Variants in SKIL observed in about 807,000 individuals in gnomAD.
SKIL encodes SKI like proto-oncogene, also known as ski-like protein.
SKIL carries 20 observed loss-of-function variants against 69.6 expected under a neutral mutation model. The observed-to-expected ratio is 0.29, with a 90% confidence interval of 0.20 to 0.42. The LOEUF is 0.42. SKIL is among the 10% of genes least tolerant of loss of function. The probability of loss-of-function intolerance (pLI) is 1.00; values close to 1 mark genes in which losing one functional copy is unlikely to be tolerated. For missense variants in SKIL, 745 were observed against 783.1 expected (o/e 0.95, Z 0.58); for synonymous variants, 310 against 279.9 (o/e 1.11, Z -1.08).
chr3:170,388,089 C>A (rs1370513734), intron 4 of SKIL, among the ~76,000 whole-genome samples: 1 of 151,830 alleles, frequency 6.6e-6, no homozygotes, highest in East Asian at 1.9e-4. Context: ...TGAGGAACTG[C>A]CAAACTTTTC....
chr3:170,370,968 CAA>C (rs889286515), intron 2 of SKIL, among the ~76,000 whole-genome samples: 1 of 151,834 alleles, frequency 6.6e-6, no homozygotes, highest in African/African-American at 2.4e-5. Flanking sequence ...CAAGACAAAA[CAA>C]AACTTAATAA....
chr3:170,390,096 C>T, intron 4 of SKIL, 127 bp from the exon 5 acceptor site: 3 of 671,160 alleles, frequency 4.5e-6, no homozygotes, highest in South Asian at 4.2e-5. Context: ...TAAATTTATT[C>T]CTATTTTATT....
In SKIL at chr3:170,393,163, C is replaced by T. The variant is rs1738012969; in HGVS notation, c.*746C>T. ...AAAATAAAATGTGATAATTTCTGAACTTTTGTTTGTGTTGTTAATAGTGGT... is the reference window on the plus strand; with the variant it reads ...AAAATAAAATGTGATAATTTCTGAATTTTTGTTTGTGTTGTTAATAGTGGT... On this transcript the variant is annotated 3_prime_UTR_variant, in exon 7 of 7. Coordinates refer to ENST00000259119, the MANE Select transcript of SKIL (RefSeq NM_005414.5). The T allele has an allele frequency of 6.6e-6, 1 of 151,552 alleles. No individual in the cohort carries two copies. Among genetic ancestry groups the T allele is most frequent in the African/African-American group, 2.4e-5 (1 of 41,312 alleles). The allele number at this position is 151,552 out of a possible 1,614,324, so 9.4% of individuals were successfully genotyped here. A position where few individuals can be genotyped will look rare whatever the true frequency, so the allele number is the denominator to read the frequency against.
At chr3:170,370,040 C>G (rs1431557667) in intron 2 of SKIL, among the ~76,000 whole-genome samples, 1 of 151,872 alleles carries the variant, frequency 6.6e-6, no homozygotes, top group African/African-American at 2.4e-5. Context: ...GAGATCGAGA[C>G]CATCCTGGCT....
At position 170,386,216 on chromosome 3, in the gene SKIL, C is replaced by T. The variant is rs533955787; in HGVS notation, c.1429+1451C>T. Among the ~76,000 whole-genome samples the T allele has an allele frequency of 5.3e-5, 8 of 150,604 alleles. No individual in the cohort carries two copies. In the East Asian group the frequency reaches 7.8e-4, roughly 15 times the overall value. ...TGTGATCTCGGCTCACTGCAATCTC[C>T]GCCTCCCAGGTTCAAGTGATTCTCC... On this transcript the variant is annotated intron_variant, in intron 4 of 6. Transcript: ENST00000259119.
chr3:170,387,731 G>A (rs1302908809), intron 4 of SKIL, among the ~76,000 whole-genome samples: 4 of 139,606 alleles, frequency 2.9e-5, no homozygotes, highest in East Asian at 2.1e-4. Flanking sequence ...AGACCATCCC[G>A]GCTAAAACGG....
intron 2 of SKIL, among the ~76,000 whole-genome samples, chr3:170,372,432 A>G (rs928159823): frequency 2.0e-5 from 3 of 152,232 alleles, no homozygotes; most frequent in African/African-American, 7.2e-5. Flanking sequence ...TGCTTAGATC[A>G]TACTGTCCCA....
rs1316372072 is a variant in SKIL, at chr3:170,380,800, C to T, written c.1099-444C>T. On this transcript the variant is annotated intron_variant, in intron 2 of 6. Transcript: ENST00000259119. Reference sequence around the variant, plus strand: ...TGAGTTTCAGGTGATAATCAGGCTTCTTCAAGGGAAGACTGCCTTATTGGA... The same window carrying T: ...TGAGTTTCAGGTGATAATCAGGCTTTTTCAAGGGAAGACTGCCTTATTGGA... Among the ~76,000 whole-genome samples the T allele has an allele frequency of 5.9e-5, 9 of 152,138 alleles. No individual in the cohort carries two copies. In the East Asian group the frequency reaches 1.5e-3, roughly 26 times the overall value.
chr3:170,371,302 A>C (rs2108902536), intron 2 of SKIL, among the ~76,000 whole-genome samples: 1 of 152,250 alleles, frequency 6.6e-6, no homozygotes, highest in African/African-American at 2.4e-5. Context: ...GGAGTTCGAG[A>C]CCAGCCTGGC....
At chr3:170,363,728 A>G (rs1445988845) in intron 2 of SKIL, among the ~76,000 whole-genome samples, 1 of 151,880 alleles carries the variant, frequency 6.6e-6, no homozygotes, top group Non-Finnish European at 1.5e-5. Context: ...CGGGTGATCC[A>G]CCCGCCTTGG....
At chr3:170,384,935 A>G (rs988470466) in intron 4 of SKIL, 170 bp downstream of exon 4, 47 of 511,588 alleles carry the variant, frequency 9.2e-5, no homozygotes, top group Middle Eastern at 5.3e-4. Context: ...CTCAGTTGCT[A>G]TACTTTTCTA....
chr3:170,385,879 G>A (rs1212431687), intron 4 of SKIL, among the ~76,000 whole-genome samples: 1 of 150,020 alleles, frequency 6.7e-6, no homozygotes, highest in South Asian at 2.1e-4. Context: ...TCAGCTCACC[G>A]CAACCTCCAC....
At position 170,395,102 on chromosome 3, in the gene SKIL, A is replaced by G. The variant is rs184093470; in HGVS notation, c.*2685A>G. ...GTTTTGCTAGCTCATCTTTAGAAGGAAGAAAGAATATTAGCTTGGGTGATG... is the reference window on the plus strand; with the variant it reads ...GTTTTGCTAGCTCATCTTTAGAAGGGAGAAAGAATATTAGCTTGGGTGATG... On this transcript the variant is annotated 3_prime_UTR_variant, in exon 7 of 7. Coordinates refer to ENST00000259119, the MANE Select transcript of SKIL (RefSeq NM_005414.5). 1 of 152,306 alleles carries G rather than the reference A, an allele frequency of 6.6e-6. No homozygotes were observed. The highest frequency in any genetic ancestry group is 1.9e-4 in the East Asian group (1 of 5,194). The allele number at this position is 152,306 out of a possible 1,614,324, so 9.4% of individuals were successfully genotyped here.
At chr3:170,380,055 G>T (rs1577432831) in intron 2 of SKIL, among the ~76,000 whole-genome samples, 1 of 152,094 alleles carries the variant, frequency 6.6e-6, no homozygotes, top group South Asian at 2.1e-4. Context: ...TTCTCAGCCC[G>T]TAGATGTTCA....
chr3:170,359,073 C>T (rs909484478), intron 1 of SKIL, among the ~76,000 whole-genome samples: 9 of 152,104 alleles, frequency 5.9e-5, no homozygotes, highest in South Asian at 4.1e-4. Flanking sequence ...TTTTTTCCCT[C>T]CCTTAAAATG....
At chr3:170,364,213 A>G (rs966432763) in intron 2 of SKIL, among the ~76,000 whole-genome samples, 2 of 151,642 alleles carry the variant, frequency 1.3e-5, no homozygotes, top group Non-Finnish European at 1.5e-5. Context: ...TCTGCCTCCC[A>G]AAATGCTAGG....
In SKIL at chr3:170,359,781, G is replaced by A. The variant is rs1333524425; in HGVS notation, c.-551G>A. On this transcript the variant is annotated 5_prime_UTR_variant, in exon 2 of 7. Transcript: ENST00000259119. ...TCGGAGGCTGTTCTTACTGGTGTGA[G>A]GATTTACACACGTCTTCAGTTTTTC... The A allele has an allele frequency of 6.6e-6, 1 of 152,218 alleles. No individual in the cohort carries two copies. The highest frequency in any genetic ancestry group is 2.4e-5 in the African/African-American group (1 of 41,410). 9.4% of individuals were successfully genotyped at this position (152,218 alleles called of 1,614,324 possible).
At position 170,383,252 on chromosome 3, in the gene SKIL, G is replaced by A. The variant is rs181018725; in HGVS notation, c.1197-1281G>A. Reference sequence around the variant, plus strand: ...TTGTACAATCACTACTTTACCTGTTGTATTTGCAGTAAGTCTTTTGAGCCC... The same window carrying A: ...TTGTACAATCACTACTTTACCTGTTATATTTGCAGTAAGTCTTTTGAGCCC... On this transcript the variant is annotated intron_variant, in intron 3 of 6. Transcript: ENST00000259119. Among the ~76,000 whole-genome samples the A allele has an allele frequency of 3.4e-3, 517 of 152,150 alleles. 12 individuals carry two copies. The highest frequency in any genetic ancestry group is 5.0e-4 in the Non-Finnish European group (34 of 68,000).
chr3:170,386,539 A>C (rs1363187250), intron 4 of SKIL, among the ~76,000 whole-genome samples: 1 of 152,088 alleles, frequency 6.6e-6, no homozygotes, highest in Non-Finnish European at 1.5e-5. Flanking sequence ...ATGCATTCAT[A>C]GCTCACCGCA....
Sources: gnomAD v4.1 joint callset for allele counts (sites outside exome capture counted in the v4.1 genomes callset) on GRCh38, gnomAD v4.1.1 for gene constraint, MANE v1.5 for transcripts, NCBI Gene and HGNC (gene_info 2026-07-23, HGNC 2026-07-21) for gene names.